Variants in NCK2 observed in about 807,000 individuals in gnomAD.
The protein encoded by NCK2 is cytoplasmic protein NCK2.
NCK2 carries 16 observed loss-of-function variants against 33.9 expected under a neutral mutation model. That is an observed-to-expected ratio of 0.47 (90% CI 0.32 to 0.72). The LOEUF is 0.72. Among genes scored for constraint, NCK2 ranks in the 30% least tolerant of loss-of-function variants. NCK2 has a pLI of 0.03. For synonymous variants in NCK2, 273 were observed against 239.9 expected, an observed-to-expected ratio of 1.14 and a Z score of -1.27; for missense variants, 418 against 537.3, an observed-to-expected ratio of 0.78 and a Z score of 2.19.
chr2:105,850,754 C>A (rs970030809), intron 2 of NCK2, among the ~76,000 whole-genome samples: 3 of 152,182 alleles, frequency 2.0e-5, no homozygotes, highest in African/African-American at 7.2e-5. Context: ...TTTCAGTAGT[C>A]AATTAGCTGG....
intron 1 of NCK2, among the ~76,000 whole-genome samples, chr2:105,795,722 CAA>C (rs1691059420): frequency 6.6e-6 from 1 of 152,146 alleles, no homozygotes; most frequent in Non-Finnish European, 1.5e-5. Context: ...AGCTCCACGA[CAA>C]AGAATTACCG....
In NCK2 at chr2:105,893,602, G is replaced by A. The variant is rs918497100; in HGVS notation, c.*426G>A. The A allele has an allele frequency of 1.1e-5, 2 of 185,666 alleles. No homozygotes were observed. Among genetic ancestry groups the A allele is most frequent in the African/African-American group, 2.3e-5 (1 of 43,312 alleles). The allele number at this position is 185,666 out of a possible 1,614,324, so 11.5% of individuals were successfully genotyped here. A position where few individuals can be genotyped will look rare whatever the true frequency, so the allele number is the denominator to read the frequency against. On this transcript the variant is annotated 3_prime_UTR_variant, in exon 5 of 5. Transcript: ENST00000233154. ...GATGGCCCCAGTCCTAGCAGCCCTCGCCCATGTCCTGTGCCCTTACATGGC... is the reference window on the plus strand; with the variant it reads ...GATGGCCCCAGTCCTAGCAGCCCTCACCCATGTCCTGTGCCCTTACATGGC...
At position 105,807,690 on chromosome 2, in the gene NCK2, T is replaced by A. The variant is rs190919246; in HGVS notation, c.-200-8740T>A. Among the ~76,000 whole-genome samples, 16 of 151,348 alleles carry A rather than the reference T, an allele frequency of 1.1e-4. No homozygotes were observed. In the East Asian group the frequency reaches 2.9e-3, roughly 28 times the overall value. ...GTTTTTTTCAACCTCTCTCCTTTTT[T>A]TTTTCTCTTTTCTTTTTTCCTTCCT... On this transcript the variant is annotated intron_variant, in intron 1 of 4. Transcript: ENST00000233154.
intron 4 of NCK2, among the ~76,000 whole-genome samples, chr2:105,888,266 A>G (rs1678798567): frequency 6.6e-6 from 1 of 152,214 alleles, no homozygotes; most frequent in South Asian, 2.1e-4. Flanking sequence ...AACTATGAGA[A>G]TGGAAAAATC....
intron 3 of NCK2, among the ~76,000 whole-genome samples, chr2:105,863,582 C>G (rs541523850): frequency 6.6e-6 from 1 of 152,242 alleles, no homozygotes; most frequent in Non-Finnish European, 1.5e-5. Context: ...TAGTCCCTGA[C>G]TTTCTGAAGC....
intron 2 of NCK2, among the ~76,000 whole-genome samples, chr2:105,824,184 C>A (rs1210151857): frequency 6.6e-6 from 1 of 150,598 alleles, no homozygotes; most frequent in Non-Finnish European, 1.5e-5. Flanking sequence ...GTGTGAGTGC[C>A]CCCTCCCTTT....
chr2:105,784,864 G>A (rs1296832819), intron 1 of NCK2, among the ~76,000 whole-genome samples: 2 of 152,196 alleles, frequency 1.3e-5, no homozygotes, highest in Non-Finnish European at 2.9e-5. Context: ...GGATACACGA[G>A]TAAAGTTAGG....
chr2:105,843,353 T>A (rs943706565), intron 2 of NCK2, among the ~76,000 whole-genome samples: 3 of 151,012 alleles, frequency 2.0e-5, no homozygotes, highest in Non-Finnish European at 2.9e-5. Context: ...GAGTTTTGAA[T>A]TAGGGATTCT....
At chr2:105,778,629 CT>C (rs1343692134) in intron 1 of NCK2, among the ~76,000 whole-genome samples, 1 of 152,230 alleles carries the variant, frequency 6.6e-6, no homozygotes, top group African/African-American at 2.4e-5. Context: ...ACTGGAGTTT[CT>C]GCACATTCCT....
At chr2:105,866,181 C>T (rs776652223) in intron 3 of NCK2, among the ~76,000 whole-genome samples, 10 of 152,016 alleles carry the variant, frequency 6.6e-5, no homozygotes, top group South Asian at 4.2e-4. Context: ...CCCAAAGTGC[C>T]GGGATTACAG....
intron 2 of NCK2, among the ~76,000 whole-genome samples, chr2:105,834,712 A>C (rs2104531461): frequency 6.6e-6 from 1 of 152,046 alleles, no homozygotes; most frequent in Middle Eastern, 3.4e-3. Flanking sequence ...CTCTTACTGA[A>C]GCTAGAGTGC....
At chr2:105,806,210 T>TACATATCAC (rs1363352593) in intron 1 of NCK2, among the ~76,000 whole-genome samples, 8 of 148,994 alleles carry the variant, frequency 5.4e-5, no homozygotes, top group Admixed American at 3.4e-4. Context: ...TGTGTATGTG[T>TACATATCAC]ACATATCACA....
intron 2 of NCK2, among the ~76,000 whole-genome samples, chr2:105,820,977 T>C (rs1382588184): frequency 6.6e-6 from 1 of 152,196 alleles, no homozygotes; most frequent in Non-Finnish European, 1.5e-5. Flanking sequence ...ATCTTTTCCA[T>C]TTTGTGATAG....
intron 2 of NCK2, among the ~76,000 whole-genome samples, chr2:105,832,586 T>C (rs1676238604): frequency 6.6e-6 from 1 of 152,244 alleles, no homozygotes; most frequent in African/African-American, 2.4e-5. Flanking sequence ...TTTGTTGATG[T>C]GATGTATCAC....
rs190008949 is a variant in NCK2 at position 105,827,054 on chromosome 2, C to A, written c.-17+10441C>A. On this transcript the variant is annotated intron_variant, in intron 2 of 4. Coordinates refer to ENST00000233154, the MANE Select transcript of NCK2 (RefSeq NM_003581.5). ...TTGCTCTGTTGCCCAGGCTGGAGTG[C>A]AGTGGCACGATCTCGGCTCACTGCA... Among the ~76,000 whole-genome samples the A allele has an allele frequency of 4.1e-3, 623 of 152,026 alleles. 5 individuals are homozygous for A. Among genetic ancestry groups the A allele is most frequent in the Non-Finnish European group, 3.7e-3 (250 of 67,990 alleles).
chr2:105,810,277 C>G (rs372358059), intron 1 of NCK2, among the ~76,000 whole-genome samples: 2 of 152,026 alleles, frequency 1.3e-5, no homozygotes, highest in Non-Finnish European at 2.9e-5. Flanking sequence ...CCTTCTGGCC[C>G]GCTTCTTAAG....
chr2:105,762,588 C>A lies in NCK2; in HGVS notation c.-201+17450C>A, dbSNP rs557028405. On this transcript the variant is annotated intron_variant, in intron 1 of 4. Transcript: ENST00000233154. ...TGAACTTTGGGGTGGGAAAAAACAT[C>A]CTTATTTCCACCAGCTTTTCACTGA... Among the ~76,000 whole-genome samples the A allele has an allele frequency of 6.6e-4, 101 of 152,258 alleles. 1 individual carries two copies. The highest frequency in any genetic ancestry group is 2.4e-3 in the African/African-American group (100 of 41,532).
chr2:105,748,545 G>A (rs542711820), intron 1 of NCK2, among the ~76,000 whole-genome samples: 3 of 152,170 alleles, frequency 2.0e-5, no homozygotes, highest in East Asian at 3.9e-4. Flanking sequence ...GGGACTACGG[G>A]TGTGCACCAC....
chr2:105,857,974 A>G (rs574774661), intron 3 of NCK2, among the ~76,000 whole-genome samples: 1 of 152,008 alleles, frequency 6.6e-6, no homozygotes, highest in South Asian at 2.1e-4. Flanking sequence ...AATGCTTTCC[A>G]TAGCCCCTCC....
Sources: gnomAD v4.1 joint callset for allele counts (sites outside exome capture counted in the v4.1 genomes callset) on GRCh38, gnomAD v4.1.1 for gene constraint, MANE v1.5 for transcripts, NCBI Gene and HGNC (gene_info 2026-07-23, HGNC 2026-07-21) for gene names.